The following DMD variants were observed in gnomAD, a reference collection of about 807,000 sequenced individuals.
DMD encodes mutant dystrophin.
In DMD, 63 loss-of-function variants were observed where a neutral mutation model predicts 330.1. The ratio of observed to expected loss-of-function variants is 0.19; its 90% CI spans 0.16 to 0.24. The LOEUF is 0.24. Ranked by LOEUF, DMD falls within the 10% of genes least tolerant of loss-of-function variation. The pLI is 1.00. For synonymous variants in DMD, 1,223 were observed against 959.8 expected (o/e 1.27, Z -5.07); for missense variants, 3,344 against 2,684.1 (o/e 1.25, Z -5.43).
At chrX:33,178,522 A>G (rs2049800547) in intron 1 of DMD, among the ~76,000 whole-genome samples, 1 of 112,434 alleles carries the variant, frequency 8.9e-6, no homozygotes, top group African/African-American at 3.2e-5. Flanking sequence ...TTTAATACTC[A>G]AAATGGGAAC....
At chrX:32,266,295 T>A (rs2097344242) in intron 43 of DMD, among the ~76,000 whole-genome samples, 1 of 111,692 alleles carries the variant, frequency 9.0e-6, no homozygotes, top group Middle Eastern at 4.2e-3. Context: ...GGTTGTAAGT[T>A]TTCCCTGAGG....
intron 1 of DMD, among the ~76,000 whole-genome samples, chrX:33,302,829 A>G (rs1476034789): frequency 3.6e-5 from 4 of 111,610 alleles, no homozygotes; most frequent in African/African-American, 1.3e-4. Context: ...GGTGTTGTGC[A>G]TTCTATGGAT....
intron 1 of DMD, among the ~76,000 whole-genome samples, 160 bp from the exon 2 acceptor site, chrX:33,020,360 G>C (rs761839375): frequency 8.9e-6 from 1 of 111,806 alleles, no homozygotes; most frequent in African/African-American, 3.3e-5. Context: ...TGCTGGTTTG[G>C]GGCATCCAAA....
chrX:33,077,880 A>G (rs1263689117), intron 1 of DMD, among the ~76,000 whole-genome samples: 2 of 112,529 alleles, frequency 1.8e-5, no homozygotes, highest in Non-Finnish European at 3.7e-5. Context: ...TTCAGTCCCC[A>G]TTTTTATTAA....
At chrX:31,170,420 C>CT (rs2039877804) in intron 73 of DMD, among the ~76,000 whole-genome samples, 1 of 110,883 alleles carries the variant, frequency 9.0e-6, no homozygotes, top group African/African-American at 3.3e-5. Context: ...ACAGGACAAA[C>CT]TTTTTTCTGA....
chrX:31,450,432 T>C (rs1430950613), intron 59 of DMD, among the ~76,000 whole-genome samples: 1 of 112,081 alleles, frequency 8.9e-6, no homozygotes, highest in Non-Finnish European at 1.9e-5. Flanking sequence ...ATCTCTCAAA[T>C]ACCTGGGCGG....
At chrX:33,116,035 A>T (rs1373927971) in intron 1 of DMD, among the ~76,000 whole-genome samples, 1 of 108,409 alleles carries the variant, frequency 9.2e-6, no homozygotes, top group Non-Finnish European at 1.9e-5. Flanking sequence ...TCTACTAAAA[A>T]TACAAAAATT....
chrX:31,284,571 T>TTCTTC (rs1491563545), intron 62 of DMD, among the ~76,000 whole-genome samples: 1 of 79,343 alleles, frequency 1.3e-5, no homozygotes, highest in African/African-American at 4.9e-5. Flanking sequence ...TTCTTCTTCT[T>TTCTTC]CTTCTTCTTC....
At chrX:32,861,525 A>C (rs2082072902) in intron 2 of DMD, among the ~76,000 whole-genome samples, 1 of 111,822 alleles carries the variant, frequency 8.9e-6, no homozygotes, top group Admixed American at 9.5e-5. Context: ...TGTTTATAAA[A>C]ATGAGGGAAG....
intron 60 of DMD, among the ~76,000 whole-genome samples, chrX:31,417,023 T>A (rs2061903868): frequency 8.9e-6 from 1 of 112,407 alleles, no homozygotes; most frequent in South Asian, 3.7e-4. Flanking sequence ...GTCCACTTAT[T>A]CAAAGACAAA....
chrX:31,950,416 T>C (rs182881322), intron 45 of DMD, among the ~76,000 whole-genome samples: 1,235 of 111,418 alleles, frequency 0.011, 10 homozygotes, highest in Non-Finnish European at 0.017. Flanking sequence ...ATAGAATCTA[T>C]CCCAGAGAAA....
chrX:33,281,231 C>T (rs1425056937), intron 1 of DMD, among the ~76,000 whole-genome samples: 19 of 87,725 alleles, frequency 2.2e-4, no homozygotes, highest in East Asian at 1.3e-3. Context: ...TTTTTTGAGA[C>T]GGAGTCTCAC....
chrX:32,887,830 C>T (rs1213104203), intron 2 of DMD, among the ~76,000 whole-genome samples: 1 of 99,603 alleles, frequency 1.0e-5, no homozygotes, highest in African/African-American at 3.7e-5. Flanking sequence ...TGGATATGAA[C>T]CCAAGAGCAT....
rs773228851 is a variant in DMD at position 32,532,619 on chromosome X, G to A, written c.2168+12540C>T. Among the ~76,000 whole-genome samples, 9 of 112,416 alleles carry A rather than the reference G, an allele frequency of 8.0e-5. No individual in the cohort carries two copies. The South Asian group carries it at 3.3e-3, about 41-fold the overall frequency. ...TTTTAAGTGTGAAATACATTAATAT[G>A]TAGCAAATACTTGGTAGAAGCCATA... On this transcript the variant is annotated intron_variant, in intron 17 of 78. Coordinates refer to ENST00000357033, the MANE Select transcript of DMD (RefSeq NM_004006.3).
At chrX:31,815,187 C>T (rs1201827001) in intron 50 of DMD, among the ~76,000 whole-genome samples, 3 of 112,260 alleles carry the variant, frequency 2.7e-5, no homozygotes, top group South Asian at 3.7e-4. Flanking sequence ...CAGTGGCTCA[C>T]GCCTGTAATC....
At chrX:32,431,884 G>A (rs762681459) in intron 29 of DMD, among the ~76,000 whole-genome samples, 1 of 111,183 alleles carries the variant, frequency 9.0e-6, no homozygotes, top group African/African-American at 3.3e-5. Context: ...GTGTGTGTAT[G>A]TCTATGTGTT....
At chrX:31,476,405 A>G (rs1303517707) in intron 59 of DMD, among the ~76,000 whole-genome samples, 1 of 98,433 alleles carries the variant, frequency 1.0e-5, no homozygotes, top group African/African-American at 3.8e-5. Flanking sequence ...GTGTATATAT[A>G]TATATATATA....
At chrX:32,796,766 ATAAATC>A (rs1201468040) in intron 7 of DMD, among the ~76,000 whole-genome samples, 22 of 112,313 alleles carry the variant, frequency 2.0e-4, no homozygotes, top group African/African-American at 6.8e-4. Flanking sequence ...TAAAAAGAGA[ATAAATC>A]TAAGAGGATA....
At chrX:32,469,891 T>G (rs1365035640) in intron 22 of DMD, among the ~76,000 whole-genome samples, 1 of 111,109 alleles carries the variant, frequency 9.0e-6, no homozygotes, top group African/African-American at 3.3e-5. Flanking sequence ...CTATCTCCAG[T>G]TCCATTTACA....
Sources: allele counts gnomAD v4.1 joint callset (sites outside exome capture counted in the v4.1 genomes callset), GRCh38; gene constraint gnomAD v4.1.1; transcripts MANE v1.5; gene names NCBI Gene and HGNC (gene_info 2026-07-23, HGNC 2026-07-21).